Variants in LRBA observed in about 807,000 individuals in gnomAD.
LRBA encodes the protein lipopolysaccharide-responsive and beige-like anchor protein.
A neutral mutation model predicts 330.0 loss-of-function variants in LRBA; 176 were observed. The observed-to-expected ratio is 0.53, with a 90% CI of 0.47 to 0.60. The LOEUF (loss-of-function observed/expected upper bound fraction) is 0.60, where lower values mean the gene tolerates loss of function less well. Ranked by LOEUF, LRBA falls within the 20% of genes least tolerant of loss-of-function variation. The pLI, the probability that LRBA is intolerant of heterozygous loss-of-function variation, is 0.00. For missense variants in LRBA, 3,259 were observed against 3,444.8 expected (o/e 0.95, Z 1.35); for synonymous variants, 1,230 against 1,193.0 (o/e 1.03, Z -0.64).
intron 35 of LRBA, among the ~76,000 whole-genome samples, chr4:150,744,618 C>T (rs1328158818): frequency 6.6e-6 from 1 of 152,194 alleles, no homozygotes; most frequent in Admixed American, 6.5e-5. Context: ...ACACCTATTA[C>T]ATTATAGACT....
intron 39 of LRBA, among the ~76,000 whole-genome samples, chr4:150,588,688 G>T (rs886988172): frequency 1.3e-5 from 2 of 152,134 alleles, no homozygotes; most frequent in Non-Finnish European, 2.9e-5. Context: ...GAGATTTTAT[G>T]CCAGCTTGAC....
intron 38 of LRBA, among the ~76,000 whole-genome samples, chr4:150,593,630 A>T (rs1165686853): frequency 6.6e-6 from 1 of 152,168 alleles, no homozygotes; most frequent in Admixed American, 6.5e-5. Flanking sequence ...AGTGCATTTT[A>T]AAAGGTTAAA....
chr4:150,803,083 T>TAC (rs1553964882), intron 33 of LRBA, among the ~76,000 whole-genome samples: 2,253 of 128,428 alleles, frequency 0.018, 32 homozygotes, highest in East Asian at 0.035. Context: ...AAAATATATA[T>TAC]ACACACACAC....
chr4:150,708,694 G>C (rs1785879516), intron 36 of LRBA, among the ~76,000 whole-genome samples: 1 of 151,588 alleles, frequency 6.6e-6, no homozygotes. Context: ...TTTTAAAAAA[G>C]ATACCAACAA....
At chr4:150,809,890 GATACGA>G (rs1743416389) in intron 31 of LRBA, among the ~76,000 whole-genome samples, 1 of 148,998 alleles carries the variant, frequency 6.7e-6, no homozygotes, top group African/African-American at 2.5e-5. Context: ...GATACGATAC[GATACGA>G]TACGATACGA....
At chr4:150,362,652 G>A (rs78128480) in intron 47 of LRBA, among the ~76,000 whole-genome samples, 200 of 152,168 alleles carry the variant, frequency 1.3e-3, no homozygotes, top group Non-Finnish European at 2.4e-3. Flanking sequence ...GCTGGTCCAG[G>A]AACTCCTTTT....
chr4:150,835,964 A>C (rs1747988481), intron 28 of LRBA, among the ~76,000 whole-genome samples: 1 of 152,180 alleles, frequency 6.6e-6, no homozygotes, highest in South Asian at 2.1e-4. Context: ...TATTATTTTG[A>C]GATACGTCCC....
chr4:150,405,138 C>T (rs936852399), intron 47 of LRBA, among the ~76,000 whole-genome samples: 4 of 152,112 alleles, frequency 2.6e-5, no homozygotes, highest in African/African-American at 9.7e-5. Flanking sequence ...GAAGTGACAT[C>T]TGACATAGAA....
At chr4:151,012,042 G>A (rs759457936) in intron 2 of LRBA, among the ~76,000 whole-genome samples, 7 of 152,004 alleles carry the variant, frequency 4.6e-5, no homozygotes, top group Admixed American at 3.3e-4. Flanking sequence ...TATTTTAAGG[G>A]ACAATGGAAG....
At chr4:150,584,948 CT>C (rs1395323869) in intron 40 of LRBA, among the ~76,000 whole-genome samples, 1 of 152,152 alleles carries the variant, frequency 6.6e-6, no homozygotes, top group Non-Finnish European at 1.5e-5. Flanking sequence ...GTAACATCTA[CT>C]TCACGCTTGG....
intron 17 of LRBA, among the ~76,000 whole-genome samples, chr4:150,874,097 T>C (rs1181076117): frequency 2.0e-5 from 3 of 152,288 alleles, no homozygotes; most frequent in Non-Finnish European, 4.4e-5. Context: ...AAAATCACAA[T>C]AGTTTTTTGA....
At chr4:150,299,912 T>C (rs1333967778) in intron 53 of LRBA, among the ~76,000 whole-genome samples, 1 of 152,102 alleles carries the variant, frequency 6.6e-6, no homozygotes, top group African/African-American at 2.4e-5. Context: ...GTCATTTACA[T>C]TGTATCTAAG....
At chr4:150,536,514 G>A (rs115298237) in intron 40 of LRBA, among the ~76,000 whole-genome samples, 126 of 152,264 alleles carry the variant, frequency 8.3e-4, no homozygotes, top group African/African-American at 2.9e-3. Flanking sequence ...GTAACATTCT[G>A]TTTCCTATTC....
At chr4:150,307,569 A>T (rs945419113) in intron 52 of LRBA, among the ~76,000 whole-genome samples, 1 of 151,890 alleles carries the variant, frequency 6.6e-6, no homozygotes, top group African/African-American at 2.4e-5. Flanking sequence ...AAAATTTAAA[A>T]AAAAAAAAAG....
chr4:150,378,821 A>G (rs1741750875), intron 47 of LRBA, among the ~76,000 whole-genome samples: 1 of 152,246 alleles, frequency 6.6e-6, no homozygotes, highest in South Asian at 2.1e-4. Flanking sequence ...GACTATGACT[A>G]GTATGTACCT....
At chr4:150,318,197 T>C (rs1332481406) in intron 50 of LRBA, among the ~76,000 whole-genome samples, 2 of 152,158 alleles carry the variant, frequency 1.3e-5, no homozygotes, top group East Asian at 3.9e-4. Flanking sequence ...TCAGCACTGT[T>C]CTTTTTGGCC....
chr4:150,668,946 T>C (rs1004684430), intron 37 of LRBA, among the ~76,000 whole-genome samples: 2 of 152,034 alleles, frequency 1.3e-5, no homozygotes, highest in Non-Finnish European at 2.9e-5. Context: ...TAAGGCCTGA[T>C]AGGTGAGTAA....
rs908225327 is a variant in LRBA at position 150,960,321 on chromosome 4, C to T, written c.217-31256G>A. On this transcript the variant is annotated intron_variant, in intron 2 of 56. Transcript: ENST00000651943. ...GTATGGAAGCCAAATCTTCTGGAATCAACTTCCAATTTGCAGGAAATACGG... is the reference window on the plus strand; with the variant it reads ...GTATGGAAGCCAAATCTTCTGGAATTAACTTCCAATTTGCAGGAAATACGG... Among the ~76,000 whole-genome samples, 4 of 148,476 alleles carry T rather than the reference C, an allele frequency of 2.7e-5. 1 individual carries two copies. Among genetic ancestry groups the T allele is most frequent in the African/African-American group, 1.1e-4 (4 of 38,012 alleles).
At chr4:150,912,821 G>A (rs1732159633) in intron 9 of LRBA, among the ~76,000 whole-genome samples, 2 of 152,020 alleles carry the variant, frequency 1.3e-5, no homozygotes, top group African/African-American at 4.8e-5. Flanking sequence ...TTCTTTTGGT[G>A]ATAATGATCA....
Sources: allele counts gnomAD v4.1 joint callset (sites outside exome capture counted in the v4.1 genomes callset), GRCh38; gene constraint gnomAD v4.1.1; transcripts MANE v1.5; gene names NCBI Gene and HGNC (gene_info 2026-07-23, HGNC 2026-07-21).